The following FAM83B variants were observed in gnomAD, a reference collection of about 807,000 sequenced individuals.
FAM83B encodes protein FAM83B.
A neutral mutation model predicts 38.8 loss-of-function variants in FAM83B; 26 were observed. The observed-to-expected ratio is 0.67, with a 90% CI of 0.49 to 0.93. The LOEUF is 0.93. Ranked by LOEUF, FAM83B falls within the 40% of genes least tolerant of loss-of-function variation. The probability of loss-of-function intolerance (pLI) is 0.00; values close to 1 mark genes in which losing one functional copy is unlikely to be tolerated. For synonymous variants in FAM83B, 419 were observed against 423.1 expected (o/e 0.99, Z 0.12); for missense variants, 1,237 against 1,197.3 (o/e 1.03, Z -0.49).
At chr6:54,861,384 G>C (rs1263359518) in intron 1 of FAM83B, among the ~76,000 whole-genome samples, 1 of 152,004 alleles carries the variant, frequency 6.6e-6, no homozygotes, top group Admixed American at 6.5e-5. Flanking sequence ...GCAAAACCCT[G>C]GCTCTACCAA....
At chr6:54,910,725 T>A (rs1221681287) in intron 2 of FAM83B, among the ~76,000 whole-genome samples, 1 of 152,176 alleles carries the variant, frequency 6.6e-6, no homozygotes, top group Non-Finnish European at 1.5e-5. Context: ...AGCATTGAAA[T>A]CTCTTAGGGA....
At chr6:54,932,844 C>A (rs976549383) in intron 4 of FAM83B, among the ~76,000 whole-genome samples, 2 of 152,106 alleles carry the variant, frequency 1.3e-5, no homozygotes, top group Non-Finnish European at 2.9e-5. Context: ...ATGGAAGCTC[C>A]CTTGTATGTG....
At position 54,940,101 on chromosome 6, in the gene FAM83B, C is replaced by T. The variant is rs757627179; in HGVS notation, c.1130C>T (p.Pro377Leu). 6.2e-7 allele frequency: 1 copy of T among 1,614,010 alleles called. No homozygotes were observed. Among genetic ancestry groups the T allele is most frequent in the East Asian group, 2.2e-5 (1 of 44,870 alleles). The change falls in exon 5 of 5, where the codon CCC (proline) becomes CTC (leucine). Residue 377 changes from proline (P) to leucine (L), a missense_variant. Physicochemically the swap from Pro to Leu is moderately conservative, Grantham distance 98. Coordinates refer to ENST00000306858, the MANE Select transcript of FAM83B (RefSeq NM_001010872.3). ...NGPNAIRQFQPNQINENWKRH... is the reference protein window; with the variant it reads ...NGPNAIRQFQLNQINENWKRH... ...CCAAACGCAATACGTCAGTTTCAAC[C>T]CAATCAGATAAATGAAAATTGGAAA...
chr6:54,922,842 A>G (rs1773200942), intron 2 of FAM83B, among the ~76,000 whole-genome samples: 1 of 152,026 alleles, frequency 6.6e-6, no homozygotes, highest in Admixed American at 6.6e-5. Context: ...TATGCTGTAT[A>G]TTGCCATTTG....
At chr6:54,864,347 G>A (rs1331664057) in intron 1 of FAM83B, among the ~76,000 whole-genome samples, 2 of 152,120 alleles carry the variant, frequency 1.3e-5, no homozygotes, top group Non-Finnish European at 2.9e-5. Context: ...TTGAGATTTA[G>A]AAAATGAATT....
At chr6:54,865,326 G>GTTCT (rs1771673955) in intron 1 of FAM83B, among the ~76,000 whole-genome samples, 1 of 152,132 alleles carries the variant, frequency 6.6e-6, no homozygotes, top group African/African-American at 2.4e-5. Flanking sequence ...GTCACGTGCA[G>GTTCT]TTCTGCCTTT....
intron 2 of FAM83B, among the ~76,000 whole-genome samples, chr6:54,887,974 T>C (rs1772317023): frequency 6.6e-6 from 1 of 151,288 alleles, no homozygotes; most frequent in African/African-American, 2.4e-5. Flanking sequence ...ATGTAATTAC[T>C]GATTTCTTTT....
intron 2 of FAM83B, among the ~76,000 whole-genome samples, chr6:54,889,014 A>G (rs1772343175): frequency 6.6e-6 from 1 of 152,050 alleles, no homozygotes; most frequent in African/African-American, 2.4e-5. Flanking sequence ...TTCAATCACT[A>G]ATCCTCTCTG....
chr6:54,936,479 GA>G (rs909919824), intron 4 of FAM83B, among the ~76,000 whole-genome samples: 2 of 151,826 alleles, frequency 1.3e-5, no homozygotes, highest in Non-Finnish European at 2.9e-5. Flanking sequence ...ATAGCTACTA[GA>G]AAAAAATAGT....
intron 2 of FAM83B, among the ~76,000 whole-genome samples, chr6:54,872,653 G>T (rs181195820): frequency 6.6e-6 from 1 of 152,278 alleles, no homozygotes; most frequent in East Asian, 1.9e-4. Context: ...CCGAACATTA[G>T]TCATGATCTT....
At chr6:54,889,823 A>G (rs1006827236) in intron 2 of FAM83B, among the ~76,000 whole-genome samples, 2 of 152,052 alleles carry the variant, frequency 1.3e-5, no homozygotes, top group African/African-American at 4.8e-5. Flanking sequence ...CAAATGGTTG[A>G]CTCTATTGGA....
At chr6:54,920,611 G>A (rs901492269) in intron 2 of FAM83B, among the ~76,000 whole-genome samples, 1 of 151,884 alleles carries the variant, frequency 6.6e-6, no homozygotes, top group African/African-American at 2.4e-5. Flanking sequence ...TGAAAATAGT[G>A]AAGCATATTT....
chr6:54,886,018 T>TA (rs1772267011), intron 2 of FAM83B, among the ~76,000 whole-genome samples: 1 of 152,042 alleles, frequency 6.6e-6, no homozygotes, highest in African/African-American at 2.4e-5. Context: ...GTTCTATTCT[T>TA]AAAGAGTTTT....
At chr6:54,927,442 A>AT in intron 3 of FAM83B, 66 bp from the exon 4 acceptor site, 1 of 1,338,012 alleles carries the variant, frequency 7.5e-7, no homozygotes, top group Non-Finnish European at 1.0e-6. Flanking sequence ...CATGATATGG[A>AT]TTTTGGTTTT....
intron 2 of FAM83B, among the ~76,000 whole-genome samples, chr6:54,887,998 GTTC>G (rs1772318158): frequency 7.0e-6 from 1 of 143,470 alleles, no homozygotes; most frequent in African/African-American, 2.6e-5. Context: ...CACCCCATCT[GTTC>G]TTTATTCCTT....
At chr6:54,930,004 A>G (rs1018934195) in intron 4 of FAM83B, among the ~76,000 whole-genome samples, 1 of 152,082 alleles carries the variant, frequency 6.6e-6, no homozygotes, top group African/African-American at 2.4e-5. Flanking sequence ...CATCCCTTAA[A>G]TAACATGATT....
rs769285689 is a variant in FAM83B at position 54,939,806 on chromosome 6, A to G, written c.835A>G (p.Arg279Gly). 6 of 1,614,014 alleles carry G rather than the reference A, an allele frequency of 3.7e-6. No individual in the cohort carries two copies. In the Admixed American group the frequency reaches 1.0e-4, roughly 27 times the overall value. The part of the protein sequence containing the change: ...FDEEFRTLYA[R>G]SCVPSSFAQE... The stretch of plus-strand genomic sequence containing the variant: ...TGAAGAATTTAGAACTCTCTATGCC[A>G]GATCCTGTGTCCCTAGTTCATTTGC... Residue 279 changes from arginine (R) to glycine (G), a missense_variant, in exon 5 of 5, where the codon AGA becomes GGA. Transcript: ENST00000306858.
chr6:54,863,017 C>A (rs16886072), intron 1 of FAM83B, among the ~76,000 whole-genome samples: 1 of 152,008 alleles, frequency 6.6e-6, no homozygotes, highest in Admixed American at 6.6e-5. Context: ...GAGTAGGAGG[C>A]GAGTTCTTGT....
intron 4 of FAM83B, among the ~76,000 whole-genome samples, chr6:54,930,440 A>C (rs1482312032): frequency 6.6e-6 from 1 of 152,144 alleles, no homozygotes; most frequent in East Asian, 1.9e-4. Context: ...TCATATTTCT[A>C]AGTGATTTGA....
Sources: gnomAD v4.1 joint callset for allele counts (sites outside exome capture counted in the v4.1 genomes callset) on GRCh38, gnomAD v4.1.1 for gene constraint, MANE v1.5 for transcripts, NCBI Gene and HGNC (gene_info 2026-07-23, HGNC 2026-07-21) for gene names.